Variants in LRRC4C observed in about 807,000 individuals in gnomAD.
The protein encoded by LRRC4C is leucine-rich repeat-containing protein 4C.
LRRC4C carries 5 observed loss-of-function variants against 33.6 expected under a neutral mutation model. The observed-to-expected ratio is 0.15, with a 90% CI of 0.08 to 0.31. LRRC4C has a LOEUF of 0.31. Ranked by LOEUF, LRRC4C falls within the 10% of genes least tolerant of loss-of-function variation. The probability of loss-of-function intolerance (pLI) is 1.00; values close to 1 mark genes in which losing one functional copy is unlikely to be tolerated. For missense variants in LRRC4C, 560 were observed against 796.7 expected, an observed-to-expected ratio of 0.70 and a Z score of 3.58; for synonymous variants, 329 against 302.0, an observed-to-expected ratio of 1.09 and a Z score of -0.93.
chr11:40,909,645 T>C (rs113168453), intron 2 of LRRC4C, among the ~76,000 whole-genome samples: 27 of 152,276 alleles, frequency 1.8e-4, no homozygotes, highest in African/African-American at 6.5e-4. Context: ...TGATCAGTTA[T>C]ATTATGTATA....
chr11:41,225,481 G>A (rs11036298), intron 1 of LRRC4C, among the ~76,000 whole-genome samples: 25,306 of 151,892 alleles, frequency 0.17, 2,222 homozygotes, highest in Middle Eastern at 0.24. Flanking sequence ...GAGAGACTAA[G>A]GGAGTTTTAT....
At chr11:40,584,952 A>AG (rs1491415117) in intron 3 of LRRC4C, among the ~76,000 whole-genome samples, 6 of 118,098 alleles carry the variant, frequency 5.1e-5, no homozygotes, top group African/African-American at 9.1e-5. Flanking sequence ...TAAAAAAAAG[A>AG]AAAAAAAAAA....
chr11:41,152,354 G>A (rs1459274354), intron 1 of LRRC4C, among the ~76,000 whole-genome samples: 1 of 152,150 alleles, frequency 6.6e-6, no homozygotes, highest in Non-Finnish European at 1.5e-5. Flanking sequence ...TAAAATCACA[G>A]CCCACACCAA....
chr11:41,116,034 A>G (rs1035358012), intron 1 of LRRC4C, among the ~76,000 whole-genome samples: 1 of 152,160 alleles, frequency 6.6e-6, no homozygotes, highest in Non-Finnish European at 1.5e-5. Context: ...AATATGTGAC[A>G]GTATTAATTA....
Position 41,277,611 on chromosome 11 carries a change from A to C in LRRC4C, c.-496+181820T>G, listed in dbSNP as rs1233887520. Among the ~76,000 whole-genome samples, 2 of 152,122 alleles carry C rather than the reference A, an allele frequency of 1.3e-5. 1 individual carries two copies. The highest frequency in any genetic ancestry group is 3.9e-4 in the East Asian group (2 of 5,182). On this transcript the variant is annotated intron_variant, in intron 1 of 6. Transcript: ENST00000528697. Reference sequence around the variant, plus strand: ...CAGCATAAAGTGAGGTCTGTAGTACAAGCCCAAATGCTGACAACTGAGCTA... The same window carrying C: ...CAGCATAAAGTGAGGTCTGTAGTACCAGCCCAAATGCTGACAACTGAGCTA...
In LRRC4C at chr11:41,033,822, C is replaced by A. The variant is rs182613107; in HGVS notation, c.-495-100099G>T. ...CATTGAAAGTATTTTATCAAAACTT[C>A]TTTTGAAATTAATTTGTCAAAAAGT... On this transcript the variant is annotated intron_variant, in intron 1 of 6. Transcript: ENST00000528697. Among the ~76,000 whole-genome samples the A allele has an allele frequency of 2.9e-3, 441 of 152,124 alleles. 4 individuals carry two copies. Among genetic ancestry groups the A allele is most frequent in the South Asian group, 0.019 (93 of 4,818 alleles).
chr11:40,152,408 T>G (rs972831934), intron 5 of LRRC4C, among the ~76,000 whole-genome samples: 1 of 152,062 alleles, frequency 6.6e-6, no homozygotes, highest in African/African-American at 2.4e-5. Flanking sequence ...CTAGATGAAC[T>G]TTGTTACTAT....
chr11:40,547,819 A>G (rs1464207306), intron 3 of LRRC4C, among the ~76,000 whole-genome samples: 1 of 152,142 alleles, frequency 6.6e-6, no homozygotes, highest in Admixed American at 6.6e-5. Context: ...CCCAGATAGT[A>G]TCATCTTTAC....
intron 2 of LRRC4C, among the ~76,000 whole-genome samples, chr11:40,759,891 G>T (rs775661540): frequency 4.8e-5 from 7 of 146,878 alleles, no homozygotes; most frequent in Non-Finnish European, 1.0e-4. Context: ...TGCACTGAGA[G>T]TTAAAAAAAA....
intron 2 of LRRC4C, among the ~76,000 whole-genome samples, chr11:40,770,575 A>G (rs1422909114): frequency 6.6e-6 from 1 of 152,192 alleles, no homozygotes; most frequent in East Asian, 1.9e-4. Context: ...TCACTTCAGT[A>G]TTAACCCCAA....
At chr11:41,448,243 G>C (rs1955901252) in intron 1 of LRRC4C, among the ~76,000 whole-genome samples, 1 of 144,726 alleles carries the variant, frequency 6.9e-6, no homozygotes, top group African/African-American at 2.6e-5. Flanking sequence ...AGAAATATAT[G>C]TGGTGTCATT....
intron 3 of LRRC4C, among the ~76,000 whole-genome samples, chr11:40,538,002 C>T (rs1956547084): frequency 6.6e-6 from 1 of 152,106 alleles, no homozygotes; most frequent in Non-Finnish European, 1.5e-5. Flanking sequence ...CAAGATTCCC[C>T]CAGTGACTTG....
At chr11:41,035,125 G>A (rs1324853517) in intron 1 of LRRC4C, among the ~76,000 whole-genome samples, 1 of 151,138 alleles carries the variant, frequency 6.6e-6, no homozygotes, top group Non-Finnish European at 1.5e-5. Flanking sequence ...CTTTGGTGGA[G>A]CTTGCAGCGA....
intron 5 of LRRC4C, among the ~76,000 whole-genome samples, chr11:40,216,496 A>T (rs1439311750): frequency 6.6e-6 from 1 of 152,154 alleles, no homozygotes; most frequent in East Asian, 1.9e-4. Context: ...TATTTCTTCC[A>T]GATGGAAGAC....
intron 6 of LRRC4C, among the ~76,000 whole-genome samples, chr11:40,127,622 A>G (rs539044586): frequency 6.6e-6 from 1 of 152,348 alleles, no homozygotes; most frequent in African/African-American, 2.4e-5. Context: ...AGGAAATTGC[A>G]GAGAAGACTT....
intron 2 of LRRC4C, among the ~76,000 whole-genome samples, chr11:40,657,351 T>A (rs2136188550): frequency 6.6e-6 from 1 of 152,326 alleles, no homozygotes; most frequent in Middle Eastern, 3.4e-3. Context: ...AATGTGAATA[T>A]GTGCTACACT....
chr11:40,617,506 C>A (rs1001858967), intron 3 of LRRC4C, among the ~76,000 whole-genome samples: 1 of 151,590 alleles, frequency 6.6e-6, no homozygotes, highest in African/African-American at 2.4e-5. Context: ...CATTTCTGAG[C>A]CTAGTCCCTT....
intron 2 of LRRC4C, among the ~76,000 whole-genome samples, chr11:40,893,818 A>AACAC (rs55810825): frequency 4.1e-4 from 29 of 70,054 alleles, no homozygotes; most frequent in African/African-American, 5.9e-4. Context: ...TACGTATTAT[A>AACAC]ACACACACAC....
chr11:41,021,148 C>T (rs935910618), intron 1 of LRRC4C, among the ~76,000 whole-genome samples: 8 of 134,840 alleles, frequency 5.9e-5, no homozygotes, highest in African/African-American at 2.0e-4. Flanking sequence ...TGTTCCCAAT[C>T]GTGCATCTGA....
Sources: gnomAD v4.1 joint callset for allele counts (sites outside exome capture counted in the v4.1 genomes callset) on GRCh38, gnomAD v4.1.1 for gene constraint, MANE v1.5 for transcripts, NCBI Gene and HGNC (gene_info 2026-07-23, HGNC 2026-07-21) for gene names.